The following ZEB1 variants were observed in gnomAD, a reference collection of about 807,000 sequenced individuals.
ZEB1 encodes zinc finger E-box binding homeobox 1.
ZEB1 carries 21 observed loss-of-function variants against 84.9 expected under a neutral mutation model. The observed-to-expected ratio is 0.25, with a 90% confidence interval of 0.18 to 0.36. The LOEUF is 0.36. ZEB1 is among the 10% of genes least tolerant of loss of function. The pLI, the probability that ZEB1 is intolerant of heterozygous loss-of-function variation, is 1.00. For synonymous variants in ZEB1, 420 were observed against 471.1 expected (o/e 0.89, Z 1.41); for missense variants, 1,104 against 1,330.2 (o/e 0.83, Z 2.65).
intron 2 of ZEB1, among the ~76,000 whole-genome samples, chr10:31,469,448 G>C (rs2062885474): frequency 6.6e-6 from 1 of 152,212 alleles, no homozygotes; most frequent in East Asian, 1.9e-4. Context: ...AGAAAGGGGT[G>C]ACAGACGGCA....
intron 1 of ZEB1, among the ~76,000 whole-genome samples, chr10:31,433,287 A>G (rs1228211732): frequency 6.6e-6 from 1 of 152,166 alleles, no homozygotes; most frequent in East Asian, 1.9e-4. Flanking sequence ...AGCAGCACCA[A>G]TCTCTTCAGA....
rs968572973 is a variant in ZEB1 at position 31,401,109 on chromosome 10, A to G, written c.59-59928A>G. 2.0e-5 allele frequency among the ~76,000 whole-genome samples: 3 copies of G among 152,172 alleles called. No homozygotes were observed. The East Asian group carries it at 5.8e-4, about 29-fold the overall frequency. Reference sequence around the variant, plus strand: ...TGCATATAACTTCTTGCATTTGCCTAAATTATTTCCTTTAGCTAATTACCC... The same window carrying G: ...TGCATATAACTTCTTGCATTTGCCTGAATTATTTCCTTTAGCTAATTACCC... On this transcript the variant is annotated intron_variant, in intron 1 of 8. Coordinates refer to ENST00000424869, the MANE Select transcript of ZEB1 (RefSeq NM_001174096.2).
chr10:31,400,116 A>G (rs1301745127), intron 1 of ZEB1, among the ~76,000 whole-genome samples: 2 of 152,178 alleles, frequency 1.3e-5, no homozygotes, highest in African/African-American at 4.8e-5. Flanking sequence ...ACCTGTTACC[A>G]TCTACCATCC....
At chr10:31,399,120 A>G (rs2051402819) in intron 1 of ZEB1, among the ~76,000 whole-genome samples, 1 of 150,066 alleles carries the variant, frequency 6.7e-6, no homozygotes. Context: ...TCAGCCTCCC[A>G]TGTAGCGGGG....
At chr10:31,442,103 G>GC (rs2059076023) in intron 1 of ZEB1, among the ~76,000 whole-genome samples, 1 of 152,208 alleles carries the variant, frequency 6.6e-6, no homozygotes, top group Admixed American at 6.5e-5. Context: ...AAAGACACAT[G>GC]CACATGTATG....
Position 31,527,409 on chromosome 10 carries a change from C to A in ZEB1, c.*145C>A. The A allele has an allele frequency of 1.3e-4, 85 of 662,526 alleles. No individual in the cohort carries two copies. The highest frequency in any genetic ancestry group is 4.2e-4 in the Middle Eastern group (1 of 2,362). 41.0% of individuals were successfully genotyped at this position (662,526 alleles called of 1,614,324 possible). On this transcript the variant is annotated 3_prime_UTR_variant, in exon 9 of 9. Coordinates refer to ENST00000424869, the MANE Select transcript of ZEB1 (RefSeq NM_001174096.2). The stretch of plus-strand genomic sequence containing the variant: ...GTAAAAACTAAAAAAATACAAAATA[C>A]AAAACACACACACACACACACACAC...
At chr10:31,408,958 A>G (rs2053678504) in intron 1 of ZEB1, among the ~76,000 whole-genome samples, 1 of 150,742 alleles carries the variant, frequency 6.6e-6, no homozygotes, top group Admixed American at 6.6e-5. Context: ...GTGAACAGGC[A>G]ACCTACAAAA....
At chr10:31,482,818 G>T (rs2065218269) in intron 2 of ZEB1, among the ~76,000 whole-genome samples, 1 of 151,950 alleles carries the variant, frequency 6.6e-6, no homozygotes, top group African/African-American at 2.4e-5. Flanking sequence ...AAAAATATTG[G>T]AATATAATAA....
intron 1 of ZEB1, among the ~76,000 whole-genome samples, chr10:31,326,957 C>G (rs989473617): frequency 1.3e-5 from 2 of 152,112 alleles, no homozygotes; most frequent in African/African-American, 4.8e-5. Context: ...CTACCTTGGA[C>G]CCAATCTAAT....
intron 1 of ZEB1, among the ~76,000 whole-genome samples, chr10:31,382,515 AAAGGATATTTGTTCAGTGGT>A (rs1430828673): frequency 6.6e-6 from 1 of 152,134 alleles, no homozygotes; most frequent in Admixed American, 6.5e-5. Context: ...AGGGGCACTT[AAAGGATATTTGTTCAGTGGT>A]GTTGGATAGT....
At chr10:31,406,585 G>C (rs912323031) in intron 1 of ZEB1, among the ~76,000 whole-genome samples, 2 of 151,966 alleles carry the variant, frequency 1.3e-5, no homozygotes, top group African/African-American at 4.8e-5. Flanking sequence ...GTAGATTCTG[G>C]ATATTAGCCT....
chr10:31,449,912 T>C (rs1395927959), intron 1 of ZEB1, among the ~76,000 whole-genome samples: 3 of 152,216 alleles, frequency 2.0e-5, no homozygotes, highest in African/African-American at 7.2e-5. Context: ...GGGTATACTA[T>C]TAATATTTCA....
chr10:31,393,205 TC>T (rs1486965389), intron 1 of ZEB1, among the ~76,000 whole-genome samples: 1 of 152,206 alleles, frequency 6.6e-6, no homozygotes, highest in Non-Finnish European at 1.5e-5. Flanking sequence ...AGTATAAAGC[TC>T]ATTATAGAAA....
At chr10:31,456,506 G>A (rs1428998028) in intron 1 of ZEB1, among the ~76,000 whole-genome samples, 1 of 152,142 alleles carries the variant, frequency 6.6e-6, no homozygotes, top group African/African-American at 2.4e-5. Flanking sequence ...AATATCTGCA[G>A]TGGTAAATTG....
intron 1 of ZEB1, among the ~76,000 whole-genome samples, chr10:31,441,641 T>A (rs899365819): frequency 9.9e-5 from 15 of 151,016 alleles, no homozygotes; most frequent in African/African-American, 3.1e-4. Flanking sequence ...TGGGAAAAAA[T>A]TTTTGCAATC....
At chr10:31,493,266 A>G (rs910207962) in intron 2 of ZEB1, among the ~76,000 whole-genome samples, 1 of 151,998 alleles carries the variant, frequency 6.6e-6, no homozygotes, top group Non-Finnish European at 1.5e-5. Context: ...TTGGAAATTC[A>G]TCTGAGCTGT....
chr10:31,451,706 G>A (rs895861538), intron 1 of ZEB1, among the ~76,000 whole-genome samples: 2 of 152,140 alleles, frequency 1.3e-5, no homozygotes, highest in Non-Finnish European at 2.9e-5. Flanking sequence ...TCATCTATCT[G>A]TGAGTTGTAC....
chr10:31,331,081 CTTTTTTTTTTTTTT>C (rs548615284), intron 1 of ZEB1, among the ~76,000 whole-genome samples: 1 of 77,848 alleles, frequency 1.3e-5, no homozygotes, highest in African/African-American at 5.7e-5. Context: ...TTCTTTCTTT[CTTTTTTTTTTTTTT>C]TTTTTTTTTT....
chr10:31,388,071 T>G (rs971023062), intron 1 of ZEB1, among the ~76,000 whole-genome samples: 4 of 152,158 alleles, frequency 2.6e-5, no homozygotes, highest in Non-Finnish European at 5.9e-5. Context: ...CAGTCTTAAA[T>G]TCAAATGTCA....
Sources: gnomAD v4.1 joint callset for allele counts (sites outside exome capture counted in the v4.1 genomes callset) on GRCh38, gnomAD v4.1.1 for gene constraint, MANE v1.5 for transcripts, NCBI Gene and HGNC (gene_info 2026-07-23, HGNC 2026-07-21) for gene names.